Variants in HDAC4 observed in about 807,000 individuals in gnomAD.
The protein encoded by HDAC4 is histone deacetylase A.
HDAC4 carries 16 observed loss-of-function variants against 135.1 expected under a neutral mutation model. That is an observed-to-expected ratio of 0.12 (90% CI 0.08 to 0.18). The LOEUF (loss-of-function observed/expected upper bound fraction) is 0.18. Among genes scored for constraint, HDAC4 ranks in the 10% least tolerant of loss-of-function variants. The pLI, the probability that HDAC4 is intolerant of heterozygous loss-of-function variation, is 1.00. For synonymous variants in HDAC4, 685 were observed against 653.4 expected (o/e 1.05, Z -0.74); for missense variants, 1,143 against 1,511.8 (o/e 0.76, Z 4.05).
chr2:239,149,368 G>T (rs1023617936), intron 7 of HDAC4, among the ~76,000 whole-genome samples: 8 of 129,824 alleles, frequency 6.2e-5, no homozygotes, highest in African/African-American at 2.0e-4. Context: ...GCGACGTTCC[G>T]TTTCAAAATA....
intron 8 of HDAC4, chr2:239,140,903 G>T (rs1332997064): frequency 4.4e-6 from 2 of 459,220 alleles, no homozygotes; most frequent in Non-Finnish European, 9.1e-6. Flanking sequence ...GCTGGAGGTG[G>T]TGACTCTGCA....
intron 2 of HDAC4, among the ~76,000 whole-genome samples, chr2:239,252,841 A>C (rs2048856420): frequency 6.6e-6 from 1 of 152,254 alleles, no homozygotes; most frequent in Non-Finnish European, 1.5e-5. Flanking sequence ...ATTTTGAAGA[A>C]GCAGAAATCC....
intron 4 of HDAC4, among the ~76,000 whole-genome samples, chr2:239,177,095 A>G (rs1275903119): frequency 6.6e-6 from 1 of 152,214 alleles, no homozygotes; most frequent in Non-Finnish European, 1.5e-5. Context: ...TCGAAGGTGG[A>G]CACTTGGAGA....
At chr2:239,168,764 C>A (rs1182019026) in intron 5 of HDAC4, among the ~76,000 whole-genome samples, 1 of 152,206 alleles carries the variant, frequency 6.6e-6, no homozygotes, top group African/African-American at 2.4e-5. Flanking sequence ...CAGGGGCCTG[C>A]GGCCCTGCGT....
chr2:239,266,360 T>C (rs935279159), intron 2 of HDAC4, among the ~76,000 whole-genome samples: 7 of 152,168 alleles, frequency 4.6e-5, no homozygotes, highest in African/African-American at 1.2e-4. Flanking sequence ...AGCCACTGGC[T>C]TGGCCTGCCC....
intron 3 of HDAC4, among the ~76,000 whole-genome samples, chr2:239,199,959 C>T (rs1242001427): frequency 6.6e-6 from 1 of 152,086 alleles, no homozygotes; most frequent in African/African-American, 2.4e-5. Context: ...AGGATGGTCT[C>T]GATCTCCTGA....
At chr2:239,370,890 G>A (rs1416369243) in intron 1 of HDAC4, among the ~76,000 whole-genome samples, 1 of 152,232 alleles carries the variant, frequency 6.6e-6, no homozygotes, top group Non-Finnish European at 1.5e-5. Flanking sequence ...TAAAGGTGAA[G>A]GACCAACATG....
intron 2 of HDAC4, among the ~76,000 whole-genome samples, chr2:239,294,704 GGTGGGCCT>G (rs2051747604): frequency 6.6e-6 from 1 of 152,090 alleles, no homozygotes; most frequent in African/African-American, 2.4e-5. Context: ...AAGGGGAGCA[GGTGGGCCT>G]GCCTCGGAGG....
At chr2:239,124,569 A>G (rs201094745) in intron 12 of HDAC4, among the ~76,000 whole-genome samples, 14 of 133,706 alleles carry the variant, frequency 1.0e-4, no homozygotes, top group South Asian at 7.0e-4. Context: ...ATGACATTCC[A>G]GTGTGCCGGC....
At chr2:239,338,613 A>C (rs1426453418) in intron 2 of HDAC4, among the ~76,000 whole-genome samples, 1 of 152,240 alleles carries the variant, frequency 6.6e-6, no homozygotes, top group Non-Finnish European at 1.5e-5. Context: ...TACATAAAAT[A>C]GGAAAAAATA....
At chr2:239,385,264 A>G (rs975347899) in intron 1 of HDAC4, among the ~76,000 whole-genome samples, 8 of 152,214 alleles carry the variant, frequency 5.3e-5, no homozygotes, top group Admixed American at 6.5e-5. Flanking sequence ...CCTTAGCCAG[A>G]GGCGACACTC....
At chr2:239,298,202 A>G in intron 2 of HDAC4, 1 of 1,289,476 alleles carries the variant, frequency 7.8e-7, no homozygotes, top group Non-Finnish European at 1.0e-6. Context: ...GGAACAGCAG[A>G]GGCCCGTCTC....
chr2:239,271,058 T>C (rs924820263), intron 2 of HDAC4, among the ~76,000 whole-genome samples: 2 of 152,244 alleles, frequency 1.3e-5, no homozygotes, highest in Non-Finnish European at 2.9e-5. Context: ...AATTTGGAGC[T>C]GAAGGAAATG....
intron 3 of HDAC4, among the ~76,000 whole-genome samples, chr2:239,192,021 C>T (rs2044999274): frequency 6.6e-6 from 1 of 152,234 alleles, no homozygotes; most frequent in South Asian, 2.1e-4. Flanking sequence ...AAGTGCAACC[C>T]CCAACTTTTA....
chr2:239,090,409 T>C (rs1219764016), intron 17 of HDAC4, among the ~76,000 whole-genome samples: 1 of 150,300 alleles, frequency 6.7e-6, no homozygotes, highest in Non-Finnish European at 1.5e-5. Flanking sequence ...CTAAAAGTAA[T>C]GATGTCAAGG....
intron 3 of HDAC4, among the ~76,000 whole-genome samples, chr2:239,210,191 T>C (rs2046286868): frequency 6.6e-6 from 1 of 151,834 alleles, no homozygotes; most frequent in Non-Finnish European, 1.5e-5. Context: ...CGCCCAAATA[T>C]CAACAGAGCA....
At chr2:239,110,423 C>T (rs1575062776) in intron 14 of HDAC4, among the ~76,000 whole-genome samples, 1 of 152,296 alleles carries the variant, frequency 6.6e-6, no homozygotes, top group Middle Eastern at 3.4e-3. Flanking sequence ...TGGGGTCTCC[C>T]TTGTCTGAGC....
At chr2:239,117,743 C>G (rs780061130) in intron 12 of HDAC4, among the ~76,000 whole-genome samples, 1 of 152,084 alleles carries the variant, frequency 6.6e-6, no homozygotes, top group Admixed American at 6.6e-5. Context: ...TCCGGATGCT[C>G]GATTCATCTG....
rs985707753 is a variant in HDAC4, at chr2:239,329,532, C to A, written c.22+23146G>T. 7.1e-5 allele frequency among the ~76,000 whole-genome samples: 9 copies of A among 126,350 alleles called. 1 individual carries two copies. Among genetic ancestry groups the A allele is most frequent in the Non-Finnish European group, 1.4e-4 (8 of 57,976 alleles). 82.9% of individuals were successfully genotyped at this position (126,350 alleles called of 152,430 possible). ...GGGACACCCCTCCTCCTTGCTCCCC[C>A]ATTCCTGCTCCGGCTGGGGGAGGGA... On this transcript the variant is annotated intron_variant, in intron 2 of 26. Coordinates refer to ENST00000543185, the MANE Select transcript of HDAC4 (RefSeq NM_001378414.1).
Sources: gnomAD v4.1 joint callset for allele counts (sites outside exome capture counted in the v4.1 genomes callset) on GRCh38, gnomAD v4.1.1 for gene constraint, MANE v1.5 for transcripts, NCBI Gene and HGNC (gene_info 2026-07-23, HGNC 2026-07-21) for gene names.